ARHGEF10L: variants seen among roughly 807,000 people sequenced by gnomAD.
The protein encoded by ARHGEF10L is Rho guanine nucleotide exchange factor 10 like.
In ARHGEF10L, 69 loss-of-function variants were observed where a neutral mutation model predicts 141.2. The ratio of observed to expected loss-of-function variants is 0.49; its 90% CI spans 0.40 to 0.60. The LOEUF (loss-of-function observed/expected upper bound fraction) is 0.60, where lower values mean the gene tolerates loss of function less well. Ranked by LOEUF, ARHGEF10L falls within the 20% of genes least tolerant of loss-of-function variation. The pLI is 0.00. For missense variants in ARHGEF10L, 1,482 were observed against 1,734.3 expected, an observed-to-expected ratio of 0.85 and a Z score of 2.58; for synonymous variants, 711 against 718.5, an observed-to-expected ratio of 0.99 and a Z score of 0.17.
chr1:17,672,103 G>T (rs1244150426), intron 26 of ARHGEF10L, among the ~76,000 whole-genome samples: 1 of 152,100 alleles, frequency 6.6e-6, no homozygotes, highest in Non-Finnish European at 1.5e-5. Flanking sequence ...TCTCATACCG[G>T]CTCTCATGCT....
chr1:17,676,728 C>T (rs1170731971), intron 26 of ARHGEF10L, among the ~76,000 whole-genome samples: 2 of 151,946 alleles, frequency 1.3e-5, no homozygotes, highest in Non-Finnish European at 1.5e-5. Flanking sequence ...TGCACTTGGT[C>T]GATATCCCCT....
At chr1:17,660,343 C>G (rs2062542073) in intron 25 of ARHGEF10L, among the ~76,000 whole-genome samples, 1 of 152,142 alleles carries the variant, frequency 6.6e-6, no homozygotes, top group Admixed American at 6.5e-5. Flanking sequence ...ACTGTGAGAG[C>G]TTGGGCCTTT....
chr1:17,529,877 G>GGCT, the ARHGEF10L span, among the ~76,000 whole-genome samples: 3,691 of 143,306 alleles, frequency 0.026, 178 homozygotes, highest in African/African-American at 0.091. Flanking sequence ...TTGTTGCCTA[G>GGCT]GCTGGAGTGC....
chr1:17,560,080 A>G (rs2077486614), intron 1 of ARHGEF10L, among the ~76,000 whole-genome samples: 1 of 152,150 alleles, frequency 6.6e-6, no homozygotes, highest in African/African-American at 2.4e-5. Flanking sequence ...CTAGGCTCCG[A>G]GTGTCCCCCT....
chr1:17,570,926 T>C (rs1441904345), intron 1 of ARHGEF10L, among the ~76,000 whole-genome samples: 1 of 152,002 alleles, frequency 6.6e-6, no homozygotes, highest in Non-Finnish European at 1.5e-5. Flanking sequence ...GCAAGCGGGA[T>C]GGGAAGACTG....
Position 17,613,093 on chromosome 1 carries a change from C to G in ARHGEF10L, c.645C>G (p.Tyr215Ter), listed in dbSNP as rs144519109. 15 of 1,614,014 alleles carry G rather than the reference C, an allele frequency of 9.3e-6. No homozygotes were observed. Among genetic ancestry groups the G allele is most frequent in the Non-Finnish European group, 1.3e-5 (15 of 1,179,976 alleles). ...SPDLTRLKER[Y>*]ARTKRDILAL... The stretch of plus-strand genomic sequence containing the variant: ...ACCTGACTAGGCTAAAGGAGAGATA[C>G]GCCAGGACTAAGAGAGACATCTTGG... The change falls in exon 8 of 29, where the codon TAC becomes TAG. Residue 215 changes from tyrosine (Y) to a stop codon, truncating the protein, a stop_gained. Transcript: ENST00000361221. LOFTEE classifies it high-confidence loss of function.
chr1:17,635,632 T>C (rs2060953872), intron 18 of ARHGEF10L, among the ~76,000 whole-genome samples: 1 of 152,202 alleles, frequency 6.6e-6, no homozygotes, highest in East Asian at 1.9e-4. Flanking sequence ...AGAGAAGCCT[T>C]TTCTTATGCC....
Position 17,556,564 on chromosome 1 carries a change from T to C in ARHGEF10L, c.-44+16614T>C, listed in dbSNP as rs77847854. Among the ~76,000 whole-genome samples the C allele has an allele frequency of 4.2e-3, 645 of 152,286 alleles. 7 individuals are homozygous for C. The highest frequency in any genetic ancestry group is 0.015 in the African/African-American group (613 of 41,560). ...TTGGGGTCCACCAAGGCTTGCCCCA[T>C]CAGGAACTTTTCTCTCTCAGAAGGC... is the stretch of plus-strand genomic sequence containing the variant. On this transcript the variant is annotated intron_variant, in intron 1 of 28. Coordinates refer to ENST00000361221, the MANE Select transcript of ARHGEF10L (RefSeq NM_018125.4).
chr1:17,531,663 A>G, the ARHGEF10L span, among the ~76,000 whole-genome samples: 17 of 152,238 alleles, frequency 1.1e-4, no homozygotes, highest in African/African-American at 3.9e-4. Context: ...TGCGGCCTCC[A>G]CACAGCCTCC....
the ARHGEF10L span, among the ~76,000 whole-genome samples, chr1:17,532,731 AC>A: frequency 6.6e-6 from 1 of 151,530 alleles, no homozygotes; most frequent in African/African-American, 2.4e-5. Context: ...AGTAGCTGGG[AC>A]TACAGGCACA....
intron 16 of ARHGEF10L, 94 bp from the exon 17 acceptor site, chr1:17,634,454 A>T (rs1241805596): frequency 1.9e-6 from 3 of 1,599,058 alleles, no homozygotes; most frequent in East Asian, 4.5e-5. Context: ...CCCGATGCCC[A>T]GCCCCATGGC....
At chr1:17,572,512 C>A (rs374481068) in intron 1 of ARHGEF10L, among the ~76,000 whole-genome samples, 4 of 152,172 alleles carry the variant, frequency 2.6e-5, no homozygotes, top group Non-Finnish European at 5.9e-5. Context: ...CACACTCCCC[C>A]CTTTTACTTA....
At chr1:17,530,962 G>A in the ARHGEF10L span, among the ~76,000 whole-genome samples, 1 of 151,734 alleles carries the variant, frequency 6.6e-6, no homozygotes, top group African/African-American at 2.4e-5. Flanking sequence ...CCGAGATCGT[G>A]CCACTGCACT....
chr1:17,595,226 T>TTA (rs1189392435), intron 4 of ARHGEF10L, among the ~76,000 whole-genome samples: 5 of 144,464 alleles, frequency 3.5e-5, no homozygotes, highest in Non-Finnish European at 7.4e-5. Context: ...TCACCTTTTT[T>TTA]TTTTTTTTTT....
chr1:17,524,866 G>A, the ARHGEF10L span, among the ~76,000 whole-genome samples: 1 of 152,218 alleles, frequency 6.6e-6, no homozygotes, highest in Admixed American at 6.5e-5. Context: ...CAGGTGGCCA[G>A]TCTTATAGGA....
upstream of ARHGEF10L, among the ~76,000 whole-genome samples, chr1:17,535,296 T>C (rs1254236485): frequency 6.6e-6 from 1 of 152,146 alleles, no homozygotes; most frequent in Admixed American, 6.5e-5. Flanking sequence ...GAAGCAGAGC[T>C]CAGGTGGTAA....
intron 26 of ARHGEF10L, among the ~76,000 whole-genome samples, chr1:17,683,671 T>A (rs542425502): frequency 6.6e-6 from 1 of 152,314 alleles, no homozygotes; most frequent in African/African-American, 2.4e-5. Flanking sequence ...TTCTCCCTAT[T>A]CATTCCTGCC....
intron 9 of ARHGEF10L, 32 bp downstream of exon 9, chr1:17,616,234 G>A (rs1557832080): frequency 2.2e-6 from 3 of 1,371,204 alleles, no homozygotes; most frequent in East Asian, 5.0e-5. Flanking sequence ...AGGGTCTGGT[G>A]CCCAGCTCTG....
chr1:17,548,733 C>T (rs1401769558), intron 1 of ARHGEF10L, among the ~76,000 whole-genome samples: 1 of 143,614 alleles, frequency 7.0e-6, no homozygotes, highest in Non-Finnish European at 1.5e-5. Flanking sequence ...ACTGCATCCT[C>T]TGCCTCCTGG....
Sources: gnomAD v4.1 joint callset for allele counts (sites outside exome capture counted in the v4.1 genomes callset) on GRCh38, gnomAD v4.1.1 for gene constraint, MANE v1.5 for transcripts, NCBI Gene and HGNC (gene_info 2026-07-23, HGNC 2026-07-21) for gene names.